Variants in ADGRD1 observed in about 807,000 individuals in gnomAD.
ADGRD1 encodes the protein adhesion G protein-coupled receptor D1, also known as G-protein coupled receptor 133.
ADGRD1 carries 77 observed loss-of-function variants against 113.4 expected under a neutral mutation model. The ratio of observed to expected loss-of-function variants is 0.68; its 90% CI spans 0.57 to 0.82. The LOEUF is 0.82. Among genes scored for constraint, ADGRD1 ranks in the 40% least tolerant of loss-of-function variants. ADGRD1 has a pLI of 0.00. For missense variants in ADGRD1, 1,036 were observed against 1,139.1 expected (o/e 0.91, Z 1.30); for synonymous variants, 474 against 475.0 (o/e 1.00, Z 0.03).
intron 13 of ADGRD1, chr12:131,023,309 AGGTT>A (rs1407620868): frequency 6.6e-6 from 1 of 152,046 alleles, no homozygotes; most frequent in Non-Finnish European, 1.5e-5. Context: ...GGTCCCCCAC[AGGTT>A]GGTTGATTTT....
At chr12:131,026,893 C>T (rs992415669) in intron 13 of ADGRD1, 2 of 152,228 alleles carry the variant, frequency 1.3e-5, no homozygotes, top group East Asian at 1.9e-4. Context: ...GCTGACTCGT[C>T]CTTGTAACCA....
At chr12:131,078,840 C>T (rs1199028640) in intron 14 of ADGRD1, among the ~76,000 whole-genome samples, 1 of 152,106 alleles carries the variant, frequency 6.6e-6, no homozygotes, top group Non-Finnish European at 1.5e-5. Flanking sequence ...GTCCATTGTG[C>T]AATTATTACT....
chr12:131,120,943 C>T (rs557839605), intron 20 of ADGRD1, 30 bp downstream of exon 20: 45 of 1,603,478 alleles, frequency 2.8e-5, no homozygotes, highest in South Asian at 2.6e-4. Flanking sequence ...GGGCGCAGAG[C>T]GGGGCTGGGG....
In ADGRD1 at chr12:131,139,050, T is replaced by G; in HGVS notation, c.2530-118T>G. ...GGGGGCTCCCTTCTCTCTGCACCTT[T>G]CCTCCCGCAGGGAGAATCCTCGGGC... On this transcript the variant is annotated intron_variant, in intron 24 of 24. Transcript: ENST00000261654. The G allele has an allele frequency of 5.6e-6, 4 of 714,896 alleles. No individual in the cohort carries two copies. The South Asian group carries it at 7.2e-5, about 13-fold the overall frequency. 44.3% of individuals were successfully genotyped at this position (714,896 alleles called of 1,614,324 possible).
intron 5 of ADGRD1, among the ~76,000 whole-genome samples, chr12:130,983,397 CT>C (rs960259433): frequency 6.6e-6 from 1 of 152,194 alleles, no homozygotes; most frequent in Non-Finnish European, 1.5e-5. Context: ...CCTCCCTCCC[CT>C]GACACAGAAC....
intron 9 of ADGRD1, among the ~76,000 whole-genome samples, chr12:131,001,152 G>C (rs1876340009): frequency 6.6e-6 from 1 of 151,988 alleles, no homozygotes; most frequent in Non-Finnish European, 1.5e-5. Flanking sequence ...AAAAGTCACT[G>C]GATTTAGTAA....
intron 20 of ADGRD1, among the ~76,000 whole-genome samples, chr12:131,122,373 G>A (rs1207808093): frequency 6.6e-6 from 1 of 152,058 alleles, no homozygotes; most frequent in African/African-American, 2.4e-5. Context: ...CGCCTTTGGG[G>A]CTGCGCGCTT....
Position 131,113,364 on chromosome 12 carries a change from G to T in ADGRD1, c.2041+4487G>T, listed in dbSNP as rs916752449. Among the ~76,000 whole-genome samples, 2 of 151,978 alleles carry T rather than the reference G, an allele frequency of 1.3e-5. No individual in the cohort carries two copies. The highest frequency in any genetic ancestry group is 3.9e-4 in the East Asian group (2 of 5,172). ...AGCTCCCCAGTGATGTGGCTTCTTT[G>T]CTGAGCTTTGCCCTTGCCCATCCCA... On this transcript the variant is annotated intron_variant, in intron 18 of 24. Transcript: ENST00000261654. The surrounding 1 kb of genome is among the most constrained non-coding windows in gnomAD (Gnocchi z 4.9).
intron 13 of ADGRD1, among the ~76,000 whole-genome samples, chr12:131,049,066 G>T (rs35222923): frequency 6.6e-6 from 1 of 152,196 alleles, no homozygotes; most frequent in African/African-American, 2.4e-5. Context: ...TTGGAAAAGC[G>T]GATGATACTT....
In ADGRD1 at chr12:131,137,942, C is replaced by T. The variant is rs1951137192; in HGVS notation, c.2437-195C>T. ...CCACTCCACACCCAGCTTCCCTGGC[C>T]TGCGATACAACCTGGCTCTGCCCCA... On this transcript the variant is annotated intron_variant, in intron 23 of 24. Transcript: ENST00000261654. 3 of 583,986 alleles carry T rather than the reference C, an allele frequency of 5.1e-6. No homozygotes were observed. In the South Asian group the frequency reaches 5.7e-5, roughly 11 times the overall value. 36.2% of individuals were successfully genotyped at this position (583,986 alleles called of 1,614,324 possible).
chr12:131,020,726 T>C (rs1313712517), intron 13 of ADGRD1, among the ~76,000 whole-genome samples: 1 of 152,210 alleles, frequency 6.6e-6, no homozygotes, highest in Non-Finnish European at 1.5e-5. Flanking sequence ...CCTTGTGCAG[T>C]GCGGGGGACC....
chr12:131,122,709 C>T (rs1051286706), intron 20 of ADGRD1, among the ~76,000 whole-genome samples: 1 of 152,202 alleles, frequency 6.6e-6, no homozygotes, highest in Non-Finnish European at 1.5e-5. Flanking sequence ...CTGACTTAAA[C>T]CCTCTAGAAC....
chr12:131,072,684 T>C (rs9971766), intron 13 of ADGRD1, among the ~76,000 whole-genome samples: 77,188 of 152,110 alleles, frequency 0.51, 20,349 homozygotes, highest in Middle Eastern at 0.6. Context: ...GCTGCCTTAA[T>C]GCCAAAGAGA....
intron 13 of ADGRD1, among the ~76,000 whole-genome samples, chr12:131,033,843 T>C (rs1400681885): frequency 6.6e-6 from 1 of 152,128 alleles, no homozygotes; most frequent in Non-Finnish European, 1.5e-5. Flanking sequence ...GGGTGAAGGC[T>C]GGGGACACGT....
At chr12:130,995,393 G>C (rs1417174472) in intron 8 of ADGRD1, among the ~76,000 whole-genome samples, 3 of 152,248 alleles carry the variant, frequency 2.0e-5, no homozygotes, top group Admixed American at 2.0e-4. Context: ...GTCTACACAG[G>C]AAACACTTTC....
intron 13 of ADGRD1, among the ~76,000 whole-genome samples, chr12:131,045,579 C>T (rs1254940941): frequency 2.0e-5 from 3 of 151,440 alleles, no homozygotes; most frequent in Admixed American, 2.0e-4. Flanking sequence ...CACGGCTGTA[C>T]CTGGATCACG....
At chr12:131,010,382 C>T (rs947010503) in intron 12 of ADGRD1, among the ~76,000 whole-genome samples, 8 of 152,156 alleles carry the variant, frequency 5.3e-5, no homozygotes, top group African/African-American at 1.4e-4. Flanking sequence ...TTTTCATTTG[C>T]GATGTTTGTT....
intron 13 of ADGRD1, among the ~76,000 whole-genome samples, chr12:131,058,359 A>G (rs1884052118): frequency 6.6e-6 from 1 of 151,954 alleles, no homozygotes. Context: ...CCTAACAGAA[A>G]CCTCCATGCC....
chr12:131,000,048 A>G (rs2136710742), intron 8 of ADGRD1, among the ~76,000 whole-genome samples: 1 of 152,116 alleles, frequency 6.6e-6, no homozygotes. Flanking sequence ...ATTTTCCCAC[A>G]CGTCTCTCCA....
Sources: allele counts gnomAD v4.1 joint callset (sites outside exome capture counted in the v4.1 genomes callset), GRCh38; gene constraint gnomAD v4.1.1; non-coding constraint Gnocchi (gnomAD v3.1); transcripts MANE v1.5; gene names NCBI Gene and HGNC (gene_info 2026-07-23, HGNC 2026-07-21).